Variants in CEP97 observed in about 807,000 individuals in gnomAD.
CEP97 encodes centrosomal protein 97.
Under a neutral mutation model 73.1 loss-of-function variants are expected in CEP97, and 43 were observed. The observed-to-expected ratio is 0.59, with a 90% CI of 0.46 to 0.76. The LOEUF is 0.76. Among genes scored for constraint, CEP97 ranks in the 30% least tolerant of loss-of-function variants. CEP97 has a pLI of 0.00. For missense variants in CEP97, 939 were observed against 1,014.0 expected (o/e 0.93, Z 1.00); for synonymous variants, 337 against 370.0 (o/e 0.91, Z 1.02).
At chr3:101,758,451 G>C (rs1331020739) in intron 9 of CEP97, 28 bp downstream of exon 9, 2 of 1,610,356 alleles carry the variant, frequency 1.2e-6, no homozygotes, top group Non-Finnish European at 1.7e-6. Flanking sequence ...TTGATGCACT[G>C]TTTTGTTGGT....
In CEP97 at chr3:101,725,876, T is replaced by G. The variant is rs554722602; in HGVS notation, c.44-718T>G. ...CGATGTTCTCAGTCCTTTTTTTTTT[T>G]GTTTTTTTTTTTACATTATCTCATT... On this transcript the variant is annotated intron_variant, in intron 1 of 10. Coordinates refer to ENST00000341893, the MANE Select transcript of CEP97 (RefSeq NM_024548.4). 2.5e-3 allele frequency among the ~76,000 whole-genome samples: 339 copies of G among 133,828 alleles called. 2 individuals are homozygous for G. Among genetic ancestry groups the G allele is most frequent in the Non-Finnish European group, 4.7e-3 (270 of 57,934 alleles). 87.8% of individuals were successfully genotyped at this position (133,828 alleles called of 152,430 possible).
intron 6 of CEP97, among the ~76,000 whole-genome samples, chr3:101,752,233 T>C (rs1195983516): frequency 6.6e-6 from 1 of 152,210 alleles, no homozygotes; most frequent in Admixed American, 6.5e-5. Flanking sequence ...CCCACTCTCT[T>C]CTGGCTTGTA....
At position 101,726,736 on chromosome 3, in the gene CEP97, G is replaced by T. The variant is rs1200587852; in HGVS notation, c.186G>T (p.Gln62His). ...TGGAGAAATGCAAACGATTAATACAGGTAGGTATTGCAATCTGGGAAATGG... is the reference window on the plus strand; with the variant it reads ...TGGAGAAATGCAAACGATTAATACATGTAGGTATTGCAATCTGGGAAATGG... Reference protein sequence around the residue: ...ENLEKCKRLIQLSVANNRLVR... With the variant: ...ENLEKCKRLIHLSVANNRLVR... The change falls in exon 2 of 11, where the codon CAG (glutamine) becomes CAT (histidine). Residue 62 changes from glutamine to histidine, a missense_variant and splice_region_variant. Gln to His is a conservative substitution (Grantham distance 24). Coordinates refer to ENST00000341893, the MANE Select transcript of CEP97 (RefSeq NM_024548.4). The T allele has an allele frequency of 6.3e-7, 1 of 1,588,092 alleles. No homozygotes were observed. The highest frequency in any genetic ancestry group is 8.6e-7 in the Non-Finnish European group (1 of 1,164,978).
At chr3:101,735,327 A>G (rs1246768316) in intron 6 of CEP97, among the ~76,000 whole-genome samples, 1 of 152,182 alleles carries the variant, frequency 6.6e-6, no homozygotes, top group Non-Finnish European at 1.5e-5. Context: ...GGAGATAGGG[A>G]AGAGTGGGCT....
At chr3:101,729,822 G>A (rs1411901809) in intron 4 of CEP97, among the ~76,000 whole-genome samples, 1 of 151,254 alleles carries the variant, frequency 6.6e-6, no homozygotes, top group Non-Finnish European at 1.5e-5. Context: ...CCAAGCAGTG[G>A]TGCAATCTTG....
rs1939318968 is a variant in CEP97, at chr3:101,766,402, G to A, written c.*851G>A. 1 of 152,522 alleles carries A rather than the reference G, an allele frequency of 6.6e-6. No individual in the cohort carries two copies. The allele number at this position is 152,522 out of a possible 1,614,324, so 9.4% of individuals were successfully genotyped here. On this transcript the variant is annotated 3_prime_UTR_variant, in exon 11 of 11. Transcript: ENST00000341893. ...AACATGTTGTCAGAAATTAATGTAT[G>A]TTCATCTCCTCTGTTCCTGCTTATT...
chr3:101,742,838 A>G (rs1226093991), intron 6 of CEP97, among the ~76,000 whole-genome samples: 1 of 152,034 alleles, frequency 6.6e-6, no homozygotes, highest in Non-Finnish European at 1.5e-5. Flanking sequence ...ACAGAGCGAG[A>G]CTCCATCTCA....
chr3:101,749,558 A>C (rs1938736290), intron 6 of CEP97, among the ~76,000 whole-genome samples: 2 of 130,986 alleles, frequency 1.5e-5, no homozygotes, highest in South Asian at 5.0e-4. Context: ...TAGATTCCTG[A>C]GGAATCGCCA....
At chr3:101,746,078 C>T (rs997815684) in intron 6 of CEP97, among the ~76,000 whole-genome samples, 2 of 150,264 alleles carry the variant, frequency 1.3e-5, no homozygotes, top group Non-Finnish European at 3.0e-5. Context: ...CTACAAAGGA[C>T]ATGAACTCAT....
intron 6 of CEP97, among the ~76,000 whole-genome samples, chr3:101,747,582 G>C (rs910350396): frequency 1.5e-5 from 2 of 137,028 alleles, no homozygotes; most frequent in African/African-American, 5.5e-5. Flanking sequence ...TTTTGAGACA[G>C]TTTCGCTCTT....
rs919062265 is a variant in CEP97 at position 101,728,323 on chromosome 3, G to A, written c.346-513G>A. ...TGTCCAGGCTGGAGTGCAGTGGCAC[G>A]ATCTTGGCTCACTGCAACCTCTGCC... On this transcript the variant is annotated intron_variant, in intron 3 of 10. Coordinates refer to ENST00000341893, the MANE Select transcript of CEP97 (RefSeq NM_024548.4). Among the ~76,000 whole-genome samples, 49 of 149,596 alleles carry A rather than the reference G, an allele frequency of 3.3e-4. 1 individual carries two copies. Among genetic ancestry groups the A allele is most frequent in the Non-Finnish European group, 3.0e-5 (2 of 67,772 alleles).
chr3:101,736,213 A>C (rs943645429), intron 6 of CEP97, among the ~76,000 whole-genome samples: 2 of 152,166 alleles, frequency 1.3e-5, no homozygotes, highest in African/African-American at 4.8e-5. Flanking sequence ...GCTTATAGAT[A>C]AAACTCCGCA....
At chr3:101,734,684 G>T (rs958423802) in intron 6 of CEP97, among the ~76,000 whole-genome samples, 18 of 152,188 alleles carry the variant, frequency 1.2e-4, no homozygotes, top group Non-Finnish European at 1.5e-5. Context: ...TGCTGTGAAT[G>T]TTGCTCTGAG....
intron 6 of CEP97, among the ~76,000 whole-genome samples, chr3:101,753,506 G>A (rs1355836809): frequency 1.3e-5 from 2 of 152,256 alleles, no homozygotes; most frequent in African/African-American, 4.8e-5. Context: ...TGCCCCCAGA[G>A]GTGGAGCCTA....
At chr3:101,736,223 A>G (rs1938271453) in intron 6 of CEP97, among the ~76,000 whole-genome samples, 1 of 152,166 alleles carries the variant, frequency 6.6e-6, no homozygotes, top group South Asian at 2.1e-4. Flanking sequence ...AAAACTCCGC[A>G]TCTCCCAGGG....
chr3:101,732,766 T>C, intron 6 of CEP97, 112 bp downstream of exon 6: 1 of 855,360 alleles, frequency 1.2e-6, no homozygotes. Flanking sequence ...AGAGTATTAG[T>C]GCAGTCATGT....
chr3:101,724,837 C>T (rs1937824863), intron 1 of CEP97, 118 bp downstream of exon 1: 2 of 1,069,502 alleles, frequency 1.9e-6, no homozygotes, highest in Non-Finnish European at 2.8e-6. Flanking sequence ...TGATGCGGAT[C>T]TGTGGTCGTC....
rs1939402884 is a variant in CEP97 at position 101,769,349 on chromosome 3, T to G, written c.*3798T>G. On this transcript the variant is annotated 3_prime_UTR_variant, in exon 11 of 11. Coordinates refer to ENST00000341893, the MANE Select transcript of CEP97 (RefSeq NM_024548.4). ...TGTGTTTTTTTTTTTTTTTTCGAGA[T>G]AGAGTTTCACTGTTGTCACCCAGGC... 6.7e-6 allele frequency: 1 copy of G among 149,892 alleles called. No homozygotes were observed. The highest frequency in any genetic ancestry group is 1.5e-5 in the Non-Finnish European group (1 of 67,614). The allele number at this position is 149,892 out of a possible 1,614,324, so 9.3% of individuals were successfully genotyped here. A position where few individuals can be genotyped will look rare whatever the true frequency, so the allele number is the denominator to read the frequency against.
intron 6 of CEP97, among the ~76,000 whole-genome samples, chr3:101,748,101 C>T (rs1230162666): frequency 7.6e-6 from 1 of 132,220 alleles, no homozygotes; most frequent in Non-Finnish European, 1.5e-5. Context: ...CATTGCACTC[C>T]AGCCTGGGTG....
Sources: allele counts gnomAD v4.1 joint callset (sites outside exome capture counted in the v4.1 genomes callset), GRCh38; gene constraint gnomAD v4.1.1; transcripts MANE v1.5; gene names NCBI Gene and HGNC (gene_info 2026-07-23, HGNC 2026-07-21).